Variants in ESRRG observed in about 807,000 individuals in gnomAD.
The protein encoded by ESRRG is estrogen-related receptor gamma.
In ESRRG, 13 loss-of-function variants were observed where a neutral mutation model predicts 44.0. The observed-to-expected ratio is 0.30, with a 90% CI of 0.19 to 0.47. The LOEUF is 0.47. Among genes scored for constraint, ESRRG ranks in the 20% least tolerant of loss-of-function variants. The pLI, the probability that ESRRG is intolerant of heterozygous loss-of-function variation, is 1.00. For missense variants in ESRRG, 395 were observed against 580.6 expected (o/e 0.68, Z 3.29); for synonymous variants, 215 against 214.6 (o/e 1.00, Z -0.02).
At chr1:216,546,212 A>C (rs1398004246) in intron 5 of ESRRG, among the ~76,000 whole-genome samples, 2 of 152,014 alleles carry the variant, frequency 1.3e-5, no homozygotes, top group Non-Finnish European at 2.9e-5. Flanking sequence ...ATTGTCAGAC[A>C]TTACCAAATG....
At chr1:216,623,159 T>C (rs985307026) in intron 3 of ESRRG, among the ~76,000 whole-genome samples, 1 of 133,356 alleles carries the variant, frequency 7.5e-6, no homozygotes, top group African/African-American at 2.8e-5. Context: ...CTCGGCTCAC[T>C]GCAAGCTCTG....
At chr1:217,052,607 C>A (rs1450693421) in intron 1 of ESRRG, among the ~76,000 whole-genome samples, 1 of 152,174 alleles carries the variant, frequency 6.6e-6, no homozygotes, top group Non-Finnish European at 1.5e-5. Context: ...TCCAAGAGTT[C>A]TTCAAAAGAA....
At chr1:216,940,270 G>A (rs2065000771) in intron 1 of ESRRG, among the ~76,000 whole-genome samples, 1 of 152,198 alleles carries the variant, frequency 6.6e-6, no homozygotes, top group South Asian at 2.1e-4. Context: ...ATGTTTTAGG[G>A]AGATGTCTGT....
chr1:216,551,427 G>A (rs1308635535), intron 5 of ESRRG, among the ~76,000 whole-genome samples: 1 of 152,024 alleles, frequency 6.6e-6, no homozygotes, highest in Non-Finnish European at 1.5e-5. Flanking sequence ...TTGATGTTTT[G>A]TGATAACCTC....
At chr1:216,690,228 A>T (rs2078809224) in intron 1 of ESRRG, among the ~76,000 whole-genome samples, 2 of 151,952 alleles carry the variant, frequency 1.3e-5, no homozygotes, top group South Asian at 2.1e-4. Flanking sequence ...CTGATGAACA[A>T]ATAAACAAAT....
intron 2 of ESRRG, among the ~76,000 whole-genome samples, chr1:216,867,298 C>G (rs1472233245): frequency 6.6e-6 from 1 of 152,096 alleles, no homozygotes; most frequent in Non-Finnish European, 1.5e-5. Context: ...TCTCCTTTTG[C>G]TTTGATAATA....
At chr1:216,920,536 A>G (rs552643156) in intron 2 of ESRRG, among the ~76,000 whole-genome samples, 4 of 152,226 alleles carry the variant, frequency 2.6e-5, no homozygotes, top group African/African-American at 9.6e-5. Context: ...TTATCTTTCA[A>G]GTTCACCATA....
chr1:216,611,528 C>T (rs2060667475), intron 3 of ESRRG, among the ~76,000 whole-genome samples: 2 of 152,160 alleles, frequency 1.3e-5, no homozygotes, highest in African/African-American at 2.4e-5. Context: ...AATAAGCCTT[C>T]AAAGAAAGTC....
At chr1:216,883,245 G>A (rs1434752330) in intron 2 of ESRRG, among the ~76,000 whole-genome samples, 1 of 151,914 alleles carries the variant, frequency 6.6e-6, no homozygotes. Context: ...AATTAGCCAG[G>A]CATGGTGGCA....
chr1:216,931,205 G>A (rs1438275542), intron 2 of ESRRG, among the ~76,000 whole-genome samples: 1 of 152,130 alleles, frequency 6.6e-6, no homozygotes, highest in Non-Finnish European at 1.5e-5. Flanking sequence ...CTCATATGAG[G>A]ATCCTTGTCC....
At chr1:216,912,191 G>A (rs12745328) in intron 2 of ESRRG, among the ~76,000 whole-genome samples, 1,123 of 8,180 alleles carry the variant, frequency 0.14, 100 homozygotes, top group East Asian at 0.22. Context: ...AAAAGGAGAG[G>A]AGAGGAGAGG....
intron 2 of ESRRG, among the ~76,000 whole-genome samples, chr1:216,674,603 G>C (rs2151449565): frequency 7.0e-6 from 1 of 142,670 alleles, no homozygotes; most frequent in South Asian, 2.2e-4. Context: ...GAGAAATTGT[G>C]CTTTGGGTAA....
chr1:217,003,807 C>T (rs993121359), intron 1 of ESRRG, among the ~76,000 whole-genome samples: 1 of 151,600 alleles, frequency 6.6e-6, no homozygotes, highest in African/African-American at 2.4e-5. Context: ...TATTTTCAGT[C>T]TGTTGTTTTT....
intron 2 of ESRRG, among the ~76,000 whole-genome samples, chr1:216,662,236 C>T (rs1437448657): frequency 6.6e-6 from 1 of 152,098 alleles, no homozygotes; most frequent in Non-Finnish European, 1.5e-5. Context: ...TAAGGAAGTG[C>T]TAGCCAGAGA....
At chr1:216,866,323 A>G (rs555112516) in intron 2 of ESRRG, among the ~76,000 whole-genome samples, 282 of 152,310 alleles carry the variant, frequency 1.9e-3, no homozygotes, top group African/African-American at 6.6e-3. Flanking sequence ...TCCCCTTTAT[A>G]TGGTGCAACT....
intron 1 of ESRRG, among the ~76,000 whole-genome samples, chr1:216,688,309 T>C (rs763095224): frequency 2.5e-4 from 38 of 152,204 alleles, no homozygotes; most frequent in South Asian, 8.3e-4. Flanking sequence ...ACAGGATTGT[T>C]GTGATTTATA....
At chr1:216,529,690 T>C (rs1448731900) in intron 5 of ESRRG, among the ~76,000 whole-genome samples, 1 of 152,198 alleles carries the variant, frequency 6.6e-6, no homozygotes, top group African/African-American at 2.4e-5. Context: ...CAAAAATATA[T>C]TTAAAGTATA....
At chr1:216,567,028 G>A (rs1233654816) in intron 4 of ESRRG, among the ~76,000 whole-genome samples, 1 of 152,092 alleles carries the variant, frequency 6.6e-6, no homozygotes, top group Non-Finnish European at 1.5e-5. Context: ...ATTAGAAGTG[G>A]ACATCTTCTC....
intron 5 of ESRRG, among the ~76,000 whole-genome samples, chr1:216,529,611 A>G (rs2048697701): frequency 6.6e-6 from 1 of 152,170 alleles, no homozygotes; most frequent in Admixed American, 6.5e-5. Flanking sequence ...ACTTTTTTCA[A>G]ACAACAAATT....
Sources: allele counts gnomAD v4.1 joint callset (sites outside exome capture counted in the v4.1 genomes callset), GRCh38; gene constraint gnomAD v4.1.1; transcripts MANE v1.5; gene names NCBI Gene and HGNC (gene_info 2026-07-23, HGNC 2026-07-21).